Variants in TMEM178A observed in about 807,000 individuals in gnomAD.
TMEM178A encodes the protein transmembrane protein 178.
A neutral mutation model predicts 29.1 loss-of-function variants in TMEM178A; 12 were observed. The observed-to-expected ratio is 0.41, with a 90% CI of 0.26 to 0.67. The LOEUF is 0.67. Among genes scored for constraint, TMEM178A ranks in the 30% least tolerant of loss-of-function variants. The pLI, the probability that TMEM178A is intolerant of heterozygous loss-of-function variation, is 0.29. For synonymous variants in TMEM178A, 210 were observed against 187.2 expected, an observed-to-expected ratio of 1.12 and a Z score of -0.99; for missense variants, 366 against 419.1, an observed-to-expected ratio of 0.87 and a Z score of 1.11.
chr2:39,687,432 A>T (rs1364954234), intron 1 of TMEM178A: 1 of 167,028 alleles, frequency 6.0e-6, no homozygotes, highest in Non-Finnish European at 1.5e-5. Flanking sequence ...CCAGGTATTG[A>T]ACCCCTAACT....
Position 39,673,025 on chromosome 2 carries a change from G to T in TMEM178A, c.400+6651G>T, listed in dbSNP as rs531954832. Among the ~76,000 whole-genome samples, 3 of 152,316 alleles carry T rather than the reference G, an allele frequency of 2.0e-5. No individual in the cohort carries two copies. In the East Asian group the frequency reaches 5.8e-4, roughly 29 times the overall value. On this transcript the variant is annotated intron_variant, in intron 1 of 3. Transcript: ENST00000281961. ...AAGAATGAACTCTGCTTTCATCTTT[G>T]TGTACATCTGTAGTGCTGTGTGCTC... is the stretch of plus-strand genomic sequence containing the variant.
intron 1 of TMEM178A, among the ~76,000 whole-genome samples, chr2:39,697,224 C>A (rs1432204627): frequency 1.3e-5 from 2 of 152,202 alleles, no homozygotes; most frequent in Non-Finnish European, 2.9e-5. Context: ...TATGTTCTGT[C>A]AAGCAACTAC....
chr2:39,689,603 G>T (rs1459408719), intron 1 of TMEM178A, among the ~76,000 whole-genome samples: 1 of 152,198 alleles, frequency 6.6e-6, no homozygotes, highest in African/African-American at 2.4e-5. Flanking sequence ...AATGTGTACA[G>T]AGTTTTTGTT....
At chr2:39,719,514 C>T (rs1168495360), downstream of TMEM178A, among the ~76,000 whole-genome samples, 2 of 152,226 alleles carry the variant, frequency 1.3e-5, no homozygotes, top group East Asian at 1.9e-4. Flanking sequence ...ACGTGCCAGG[C>T]CAAGGTTCCT....
At chr2:39,683,964 C>T (rs1670971130) in intron 1 of TMEM178A, among the ~76,000 whole-genome samples, 1 of 152,118 alleles carries the variant, frequency 6.6e-6, no homozygotes, top group African/African-American at 2.4e-5. Context: ...TTGGGCTGTT[C>T]CTAATTATTT....
intron 1 of TMEM178A, among the ~76,000 whole-genome samples, chr2:39,694,152 G>A (rs1299192878): frequency 8.3e-6 from 1 of 119,846 alleles, no homozygotes; most frequent in African/African-American, 3.3e-5. Context: ...AGTAGCAATA[G>A]TAGTAGTAGT....
chr2:39,668,014 T>C (rs2192687), intron 1 of TMEM178A, among the ~76,000 whole-genome samples: 1,758 of 152,328 alleles, frequency 0.012, 38 homozygotes, highest in African/African-American at 0.038. Flanking sequence ...TTTCTATGCT[T>C]AGAGTATTTG....
At chr2:39,684,675 G>A (rs1175098353) in intron 1 of TMEM178A, among the ~76,000 whole-genome samples, 1 of 152,148 alleles carries the variant, frequency 6.6e-6, no homozygotes, top group African/African-American at 2.4e-5. Flanking sequence ...ATAACTTACT[G>A]GATGGAGTCT....
intron 3 of TMEM178A, among the ~76,000 whole-genome samples, chr2:39,711,003 A>G (rs1455372185): frequency 6.6e-6 from 1 of 152,232 alleles, no homozygotes; most frequent in African/African-American, 2.4e-5. Flanking sequence ...ATCTGGAGCC[A>G]GGTCTCACCC....
intron 1 of TMEM178A, among the ~76,000 whole-genome samples, chr2:39,694,761 T>C (rs1671466970): frequency 6.6e-6 from 1 of 152,234 alleles, no homozygotes. Context: ...AATTTAAAAA[T>C]ACTAAAATTA....
At chr2:39,669,391 A>G (rs576068415) in intron 1 of TMEM178A, among the ~76,000 whole-genome samples, 1 of 152,358 alleles carries the variant, frequency 6.6e-6, no homozygotes, top group South Asian at 2.1e-4. Flanking sequence ...GGGGATAGAA[A>G]CATGCAATGT....
the TMEM178A span, among the ~76,000 whole-genome samples, chr2:39,723,084 T>C: frequency 6.6e-6 from 1 of 152,220 alleles, no homozygotes; most frequent in Non-Finnish European, 1.5e-5. Context: ...CAATCACAGT[T>C]CAGGGCATTT....
the TMEM178A span, among the ~76,000 whole-genome samples, chr2:39,732,286 C>A: frequency 6.6e-6 from 1 of 152,146 alleles, no homozygotes; most frequent in East Asian, 1.9e-4. Context: ...CTTCTTTTCT[C>A]CTTGGTGAAC....
At chr2:39,711,754 TGG>T (rs1300813854) in intron 3 of TMEM178A, among the ~76,000 whole-genome samples, 2 of 152,172 alleles carry the variant, frequency 1.3e-5, no homozygotes, top group Non-Finnish European at 2.9e-5. Flanking sequence ...TCTATAACCT[TGG>T]GGGCCAGGTG....
chr2:39,729,100 T>G, the TMEM178A span, among the ~76,000 whole-genome samples: 1 of 151,906 alleles, frequency 6.6e-6, no homozygotes, highest in Non-Finnish European at 1.5e-5. Flanking sequence ...TAAAAAAAAA[T>G]TAGAATGCTC....
chr2:39,717,869 G>A lies in TMEM178A; in HGVS notation c.*618G>A, dbSNP rs968800168. On this transcript the variant is annotated 3_prime_UTR_variant, in exon 4 of 4. Transcript: ENST00000281961. ...ATCAAACGTGCTTAAGAGCTAACTCGTGACACTATGCAGTATTGTTTGAAG... is the reference window on the plus strand; with the variant it reads ...ATCAAACGTGCTTAAGAGCTAACTCATGACACTATGCAGTATTGTTTGAAG... The A allele has an allele frequency of 3.3e-5, 5 of 152,406 alleles. No individual in the cohort carries two copies. The highest frequency in any genetic ancestry group is 7.3e-5 in the African/African-American group (3 of 41,258). 9.4% of individuals were successfully genotyped at this position (152,406 alleles called of 1,614,324 possible).
the TMEM178A span, among the ~76,000 whole-genome samples, chr2:39,727,706 T>C: frequency 3.3e-5 from 5 of 151,886 alleles, no homozygotes; most frequent in Non-Finnish European, 7.4e-5. Context: ...CCTAATGCTA[T>C]CCCTCCCCCA....
intron 1 of TMEM178A, among the ~76,000 whole-genome samples, chr2:39,703,003 G>A (rs1388309208): frequency 1.3e-5 from 2 of 152,108 alleles, no homozygotes; most frequent in Admixed American, 6.5e-5. Flanking sequence ...GGAGGGACTG[G>A]GGCTCATGAT....
chr2:39,707,236 C>T, intron 3 of TMEM178A, 50 bp downstream of exon 3: 1 of 1,545,750 alleles, frequency 6.5e-7, no homozygotes. Flanking sequence ...GAAGGCTGCT[C>T]TGCATGCGGC....
Sources: allele counts gnomAD v4.1 joint callset (sites outside exome capture counted in the v4.1 genomes callset), GRCh38; gene constraint gnomAD v4.1.1; transcripts MANE v1.5; gene names NCBI Gene and HGNC (gene_info 2026-07-23, HGNC 2026-07-21).